LRRTM4: variants seen among roughly 807,000 people sequenced by gnomAD.
LRRTM4 encodes leucine-rich repeat transmembrane neuronal protein 4.
LRRTM4 carries 25 observed loss-of-function variants against 47.6 expected under a neutral mutation model. The ratio of observed to expected loss-of-function variants is 0.53; its 90% CI spans 0.38 to 0.73. The LOEUF (loss-of-function observed/expected upper bound fraction) is 0.73. Among genes scored for constraint, LRRTM4 ranks in the 30% least tolerant of loss-of-function variants. The probability of loss-of-function intolerance (pLI) is 0.00; values close to 1 mark genes in which losing one functional copy is unlikely to be tolerated. For missense variants in LRRTM4, 638 were observed against 713.4 expected (o/e 0.89, Z 1.20); for synonymous variants, 311 against 269.5 (o/e 1.15, Z -1.51).
intron 3 of LRRTM4, among the ~76,000 whole-genome samples, chr2:76,907,076 T>A (rs1213999470): frequency 4.0e-5 from 6 of 151,756 alleles, no homozygotes; most frequent in African/African-American, 1.2e-4. Context: ...ATTCCAAAAT[T>A]AACCACATAG....
chr2:76,787,952 T>C (rs551875293), intron 3 of LRRTM4, among the ~76,000 whole-genome samples: 3 of 152,282 alleles, frequency 2.0e-5, no homozygotes, highest in African/African-American at 7.2e-5. Flanking sequence ...TTGCTTTATG[T>C]CTGTATGATA....
At chr2:77,509,753 A>T (rs2104100396) in intron 3 of LRRTM4, among the ~76,000 whole-genome samples, 1 of 152,280 alleles carries the variant, frequency 6.6e-6, no homozygotes, top group African/African-American at 2.4e-5. Context: ...TCAACAAGTT[A>T]CTTGGAAAGT....
intron 3 of LRRTM4, among the ~76,000 whole-genome samples, chr2:76,901,551 A>T (rs1673633293): frequency 6.6e-6 from 1 of 151,776 alleles, no homozygotes; most frequent in Non-Finnish European, 1.5e-5. Context: ...GAAGGCTCAG[A>T]GAAAACCTCT....
chr2:77,269,575 A>T (rs1676138076), intron 3 of LRRTM4, among the ~76,000 whole-genome samples: 1 of 152,208 alleles, frequency 6.6e-6, no homozygotes, highest in African/African-American at 2.4e-5. Context: ...TAACAAATAC[A>T]AATTAAATTT....
intron 3 of LRRTM4, among the ~76,000 whole-genome samples, chr2:77,274,149 A>C (rs1246571507): frequency 6.6e-6 from 1 of 151,968 alleles, no homozygotes. Flanking sequence ...TCACATTTAC[A>C]CACACACACA....
At chr2:77,322,035 C>A (rs1489138534) in intron 3 of LRRTM4, among the ~76,000 whole-genome samples, 1 of 151,986 alleles carries the variant, frequency 6.6e-6, no homozygotes, top group Non-Finnish European at 1.5e-5. Context: ...CTTTTTTCTT[C>A]TTTGAAAATT....
At position 76,871,221 on chromosome 2, in the gene LRRTM4, C is replaced by G. The variant is rs575966463; in HGVS notation, c.1552-122305G>C. ...CTTCTATTTAAAAGAAATAGAAAAGCCTTTTACCAAACTTAAAGCTTCAAA... is the reference window on the plus strand; with the variant it reads ...CTTCTATTTAAAAGAAATAGAAAAGGCTTTTACCAAACTTAAAGCTTCAAA... On this transcript the variant is annotated intron_variant, in intron 3 of 3. Coordinates refer to ENST00000409884, the MANE Select transcript of LRRTM4 (RefSeq NM_001134745.3). Among the ~76,000 whole-genome samples, 7 of 151,982 alleles carry G rather than the reference C, an allele frequency of 4.6e-5. No homozygotes were observed. The South Asian group carries it at 1.5e-3, about 32-fold the overall frequency.
intron 3 of LRRTM4, among the ~76,000 whole-genome samples, chr2:77,043,503 C>T (rs1354817777): frequency 1.3e-5 from 2 of 151,660 alleles, no homozygotes; most frequent in African/African-American, 2.4e-5. Context: ...CTAAAGATGC[C>T]TAAACGAATG....
At chr2:77,005,193 G>A (rs1677592878) in intron 3 of LRRTM4, among the ~76,000 whole-genome samples, 1 of 152,128 alleles carries the variant, frequency 6.6e-6, no homozygotes, top group African/African-American at 2.4e-5. Flanking sequence ...CACTCAGGCT[G>A]GAGTACAGTG....
chr2:77,320,025 T>A (rs1677742056), intron 3 of LRRTM4, among the ~76,000 whole-genome samples: 1 of 152,162 alleles, frequency 6.6e-6, no homozygotes, highest in Non-Finnish European at 1.5e-5. Context: ...TAACTGTTGT[T>A]TTTTTTAGGG....
At chr2:77,351,546 T>G (rs1314336710) in intron 3 of LRRTM4, among the ~76,000 whole-genome samples, 2 of 150,884 alleles carry the variant, frequency 1.3e-5, no homozygotes, top group Non-Finnish European at 3.0e-5. Flanking sequence ...TGGAAACATT[T>G]CCATGAGATA....
intron 3 of LRRTM4, among the ~76,000 whole-genome samples, chr2:77,308,066 C>T (rs1258349666): frequency 1.4e-5 from 2 of 138,640 alleles, no homozygotes; most frequent in Non-Finnish European, 3.1e-5. Context: ...ATCTATATAT[C>T]TATATAACAT....
intron 3 of LRRTM4, among the ~76,000 whole-genome samples, chr2:77,402,262 C>T (rs1204217242): frequency 2.0e-5 from 3 of 151,946 alleles, no homozygotes; most frequent in Admixed American, 1.3e-4. Context: ...CCTTCCACAT[C>T]AGCCTCCTGA....
At chr2:77,033,176 C>T (rs540762583) in intron 3 of LRRTM4, among the ~76,000 whole-genome samples, 11 of 151,982 alleles carry the variant, frequency 7.2e-5, no homozygotes, top group African/African-American at 2.2e-4. Flanking sequence ...TTCCAAGGAG[C>T]CAATATAGAT....
chr2:77,273,666 C>T (rs1057364484), intron 3 of LRRTM4, among the ~76,000 whole-genome samples: 16 of 152,082 alleles, frequency 1.1e-4, no homozygotes, highest in African/African-American at 3.6e-4. Flanking sequence ...AAATTTGATG[C>T]TTCCCCTTTG....
intron 3 of LRRTM4, among the ~76,000 whole-genome samples, chr2:77,056,023 C>T (rs1573509265): frequency 8.0e-6 from 1 of 124,780 alleles, no homozygotes; most frequent in Admixed American, 1.1e-4. Context: ...GGGAACATCA[C>T]ACTCTGGGGA....
intron 3 of LRRTM4, among the ~76,000 whole-genome samples, chr2:77,236,827 C>T (rs972188910): frequency 3.3e-5 from 5 of 152,020 alleles, no homozygotes; most frequent in Admixed American, 2.6e-4. Flanking sequence ...ATCACATTTA[C>T]TGACTTGCAT....
intron 3 of LRRTM4, among the ~76,000 whole-genome samples, chr2:76,931,635 C>G (rs1317679565): frequency 2.0e-5 from 3 of 152,116 alleles, no homozygotes; most frequent in Non-Finnish European, 4.4e-5. Context: ...AATTGGCTGG[C>G]TGGATACACA....
intron 3 of LRRTM4, among the ~76,000 whole-genome samples, chr2:77,482,714 C>T (rs1304743367): frequency 6.6e-6 from 1 of 152,040 alleles, no homozygotes; most frequent in African/African-American, 2.4e-5. Flanking sequence ...TTTAAATGTC[C>T]TTAACTCCTT....
Sources: gnomAD v4.1 joint callset for allele counts (sites outside exome capture counted in the v4.1 genomes callset) on GRCh38, gnomAD v4.1.1 for gene constraint, MANE v1.5 for transcripts, NCBI Gene and HGNC (gene_info 2026-07-23, HGNC 2026-07-21) for gene names.